ZNF730: variants seen among roughly 807,000 people sequenced by gnomAD.
ZNF730 encodes zinc finger protein 730.
A neutral mutation model predicts 12.6 loss-of-function variants in ZNF730; 12 were observed. That is an observed-to-expected ratio of 0.95 (90% CI 0.61 to 1.54). The LOEUF (loss-of-function observed/expected upper bound fraction) is 1.54, where lower values mean the gene tolerates loss of function less well. Ranked by LOEUF, ZNF730 falls within the 40% of genes most tolerant of loss-of-function variation. ZNF730 has a pLI of 0.00. For missense variants in ZNF730, 643 were observed against 583.5 expected (o/e 1.10, Z -1.05); for synonymous variants, 194 against 195.8 (o/e 0.99, Z 0.08).
intron 1 of ZNF730, among the ~76,000 whole-genome samples, chr19:23,097,237 C>A (rs1970267191): frequency 6.6e-6 from 1 of 152,104 alleles, no homozygotes; most frequent in African/African-American, 2.4e-5. Flanking sequence ...CCTCAGAAGG[C>A]ATTGTGACAC....
intron 3 of ZNF730, among the ~76,000 whole-genome samples, chr19:23,142,983 G>C (rs1171124581): frequency 6.6e-6 from 1 of 151,804 alleles, no homozygotes; most frequent in East Asian, 1.9e-4. Context: ...GGTGGCTCAC[G>C]CCTATAATCC....
At chr19:23,134,546 A>C (rs1599597528) in intron 2 of ZNF730, among the ~76,000 whole-genome samples, 5 of 135,686 alleles carry the variant, frequency 3.7e-5, no homozygotes, top group African/African-American at 1.1e-4. Context: ...GGCCGCCCCT[A>C]CTGGGAAGTG....
upstream of ZNF730, chr19:23,116,994 GCAGACAGGGCGGCTTC>G: frequency 1.0e-6 from 1 of 958,482 alleles, no homozygotes; most frequent in African/African-American, 1.7e-5. Flanking sequence ...CGCAGCTGGA[GCAGACAGGGCGGCTTC>G]CGGGATTTGG....
chr19:23,103,892 G>C (rs1357971824), intron 1 of ZNF730, among the ~76,000 whole-genome samples: 2 of 152,090 alleles, frequency 1.3e-5, no homozygotes, highest in African/African-American at 4.8e-5. Context: ...TCACAGACAA[G>C]TGTTGTCTTG....
intron 1 of ZNF730, among the ~76,000 whole-genome samples, chr19:23,121,870 G>A (rs868809675): frequency 1.3e-5 from 2 of 152,066 alleles, no homozygotes; most frequent in Non-Finnish European, 2.9e-5. Flanking sequence ...ATTCTCTTAC[G>A]TGAAAGTAAG....
intron 1 of ZNF730, among the ~76,000 whole-genome samples, chr19:23,101,852 G>A (rs1970339383): frequency 6.6e-6 from 1 of 152,168 alleles, no homozygotes; most frequent in Admixed American, 6.5e-5. Context: ...ACAGGTATGA[G>A]CCACCATGCC....
At chr19:23,080,639 T>A (rs1012249136) in intron 1 of ZNF730, among the ~76,000 whole-genome samples, 4 of 151,792 alleles carry the variant, frequency 2.6e-5, no homozygotes, top group Admixed American at 2.6e-4. Flanking sequence ...CCTCCCAAAG[T>A]GCTGGGATTA....
intron 3 of ZNF730, among the ~76,000 whole-genome samples, chr19:23,138,094 T>C (rs191872159): frequency 0.028 from 1,911 of 67,124 alleles, 526 homozygotes; most frequent in African/African-American, 0.071. Context: ...CCATCCCGGC[T>C]AAAACGGTGA....
At chr19:23,111,777 T>C (rs945410323) in intron 1 of ZNF730, among the ~76,000 whole-genome samples, 2 of 151,702 alleles carry the variant, frequency 1.3e-5, no homozygotes, top group African/African-American at 4.8e-5. Flanking sequence ...TACAGTAGTA[T>C]TGAGCAAAAC....
intron 1 of ZNF730, among the ~76,000 whole-genome samples, chr19:23,078,561 C>T (rs990413356): frequency 6.6e-6 from 1 of 152,164 alleles, no homozygotes; most frequent in Non-Finnish European, 1.5e-5. Flanking sequence ...ACATCCCCCT[C>T]TCTTGAGATG....
intron 1 of ZNF730, chr19:23,127,938 C>A: frequency 1.4e-6 from 1 of 692,868 alleles, no homozygotes; most frequent in Admixed American, 2.0e-5. Context: ...TAACCAATTA[C>A]ACTGCAATGT....
chr19:23,141,126 G>A (rs1970911475), intron 3 of ZNF730, among the ~76,000 whole-genome samples: 1 of 152,116 alleles, frequency 6.6e-6, no homozygotes, highest in Non-Finnish European at 1.5e-5. Context: ...TAGATGTGGT[G>A]GCTCACGCCT....
At chr19:23,076,942 C>T (rs1403879475) in intron 1 of ZNF730, among the ~76,000 whole-genome samples, 1 of 152,066 alleles carries the variant, frequency 6.6e-6, no homozygotes, top group Non-Finnish European at 1.5e-5. Flanking sequence ...AAGCTGAATG[C>T]CTATCAATGA....
At chr19:23,084,175 G>A (rs1970016350) in intron 1 of ZNF730, among the ~76,000 whole-genome samples, 1 of 152,108 alleles carries the variant, frequency 6.6e-6, no homozygotes, top group Non-Finnish European at 1.5e-5. Flanking sequence ...TGAAGAGATT[G>A]TCTTTTCCCC....
At chr19:23,080,847 CTTT>C (rs552923947) in intron 1 of ZNF730, among the ~76,000 whole-genome samples, 26 of 125,048 alleles carry the variant, frequency 2.1e-4, no homozygotes, top group East Asian at 6.9e-4. Flanking sequence ...TTTTTCTTTT[CTTT>C]TTTTTTTTTT....
intron 1 of ZNF730, among the ~76,000 whole-genome samples, chr19:23,129,572 T>TCCCCCCCCCC (rs35242637): frequency 7.2e-6 from 1 of 138,486 alleles, no homozygotes; most frequent in Non-Finnish European, 1.5e-5. Flanking sequence ...AATGCTTGTA[T>TCCCCCCCCCC]CCCCCCCCCC....
chr19:23,096,092 T>A (rs946423391), intron 1 of ZNF730, among the ~76,000 whole-genome samples: 4 of 152,276 alleles, frequency 2.6e-5, no homozygotes, highest in African/African-American at 9.6e-5. Flanking sequence ...CAAGATTATG[T>A]GACTCCACAC....
intron 1 of ZNF730, among the ~76,000 whole-genome samples, chr19:23,093,469 G>GCCCCTGCTGTGGGTTAGGGGGTA (rs1568303234): frequency 2.0e-5 from 3 of 152,192 alleles, no homozygotes; most frequent in African/African-American, 7.2e-5. Context: ...CATGGTGGGT[G>GCCCCTGCTGTGGGTTAGGGGGTA]CCCCTGCTGT....
chr19:23,138,298 A>G lies in ZNF730; in HGVS notation c.226+2255A>G, dbSNP rs199512162. ...ACTCCGTCTCAAAAAAAAAAAAAAA[A>G]AAAAAGAAAATGGCTTTCACTGGGT... On this transcript the variant is annotated intron_variant, in intron 3 of 3. Transcript: ENST00000597761. 3.9e-4 allele frequency among the ~76,000 whole-genome samples: 6 copies of G among 15,226 alleles called. 2 individuals are homozygous for G. The highest frequency in any genetic ancestry group is 1.3e-3 in the Non-Finnish European group (6 of 4,598). 10.0% of individuals were successfully genotyped at this position (15,226 alleles called of 152,430 possible). A position where few individuals can be genotyped will look rare whatever the true frequency, so the allele number is the denominator to read the frequency against.
Sources: allele counts gnomAD v4.1 joint callset (sites outside exome capture counted in the v4.1 genomes callset), GRCh38; gene constraint gnomAD v4.1.1; transcripts MANE v1.5; gene names NCBI Gene and HGNC (gene_info 2026-07-23, HGNC 2026-07-21).